Variants in SAFB2 observed in about 807,000 individuals in gnomAD.
The protein encoded by SAFB2 is scaffold attachment factor B2.
Under a neutral mutation model 100.6 loss-of-function variants are expected in SAFB2, and 32 were observed. The ratio of observed to expected loss-of-function variants is 0.32; its 90% CI spans 0.24 to 0.43. The LOEUF is 0.43. Among genes scored for constraint, SAFB2 ranks in the 20% least tolerant of loss-of-function variants. The pLI, the probability that SAFB2 is intolerant of heterozygous loss-of-function variation, is 1.00. For missense variants in SAFB2, 1,185 were observed against 1,163.4 expected (o/e 1.02, Z -0.27); for synonymous variants, 500 against 439.4 (o/e 1.14, Z -1.72).
At chr19:5,615,882 G>A (rs894152604) in intron 4 of SAFB2, among the ~76,000 whole-genome samples, 1 of 152,204 alleles carries the variant, frequency 6.6e-6, no homozygotes, top group Non-Finnish European at 1.5e-5. Flanking sequence ...TTTTATGTCA[G>A]AGCTTTCTAT....
intron 11 of SAFB2, among the ~76,000 whole-genome samples, chr19:5,603,461 G>A (rs147049958): frequency 2.0e-4 from 30 of 152,142 alleles, no homozygotes; most frequent in Non-Finnish European, 3.5e-4. Context: ...GATACAACAC[G>A]GAAATCTACC....
chr19:5,610,316 T>C, intron 8 of SAFB2: 2 of 595,012 alleles, frequency 3.4e-6, no homozygotes, highest in Non-Finnish European at 6.0e-6. Context: ...CCATGTCAGT[T>C]ATGAACTGAA....
Position 5,592,784 on chromosome 19 carries a change from G to A in SAFB2, c.2311C>T (p.Arg771Ter), listed in dbSNP as rs755107481. 6.2e-7 allele frequency: 1 copy of A among 1,614,208 alleles called. No homozygotes were observed. The highest frequency in any genetic ancestry group is 1.1e-5 in the South Asian group (1 of 91,078). Residue 771 changes from arginine (R) to a stop codon, truncating the protein, a stop_gained, in exon 16 of 21, where the codon CGA becomes TGA. Transcript: ENST00000252542. LOFTEE classifies it high-confidence loss of function. ...TGGTCCTGGTACTGGCCCCGGTCTCGATGATCGAAGTCGTGAAAGCGGTGG... is the reference window on the plus strand; with the variant it reads ...TGGTCCTGGTACTGGCCCCGGTCTCAATGATCGAAGTCGTGAAAGCGGTGG... ...PDHRFHDFDH[R>*]DRGQYQDHAI...
chr19:5,622,705 G>C lies in SAFB2; in HGVS notation c.11C>G (p.Thr4Ser), dbSNP rs374601886. ...GCCCGAGTCGCCCGACCCGGGCAGA[G>C]TCTCCGCCATCGTCGCGTTCCCGTC... Reference protein sequence around the residue: MAETLPGSGDSGPG... With the variant: MAESLPGSGDSGPG... Residue 4 changes from threonine (T) to serine (S), a missense_variant, in exon 1 of 21, where the codon ACT (threonine) becomes AGT (serine). Transcript: ENST00000252542. The C allele has an allele frequency of 4.9e-4, 780 of 1,602,926 alleles. 2 individuals are homozygous for C. Among genetic ancestry groups the C allele is most frequent in the Non-Finnish European group, 6.5e-4 (767 of 1,177,606 alleles).
At chr19:5,608,278 G>A (rs771222807) in intron 9 of SAFB2, among the ~76,000 whole-genome samples, 1 of 152,050 alleles carries the variant, frequency 6.6e-6, no homozygotes, top group South Asian at 2.1e-4. Context: ...ACACACTGAC[G>A]GCGTGCTCTA....
chr19:5,606,999 C>T (rs1169668526), intron 9 of SAFB2, among the ~76,000 whole-genome samples: 2 of 152,080 alleles, frequency 1.3e-5, no homozygotes, highest in East Asian at 1.9e-4. Flanking sequence ...TGGTGGCTCA[C>T]GCCTGTAATC....
chr19:5,606,993 G>A (rs2052788584), intron 9 of SAFB2, among the ~76,000 whole-genome samples: 1 of 152,180 alleles, frequency 6.6e-6, no homozygotes, highest in Non-Finnish European at 1.5e-5. Flanking sequence ...TGGGCGTGGT[G>A]GCTCACGCCT....
intron 16 of SAFB2, among the ~76,000 whole-genome samples, chr19:5,592,189 C>G (rs1204012766): frequency 6.6e-6 from 1 of 152,126 alleles, no homozygotes; most frequent in Non-Finnish European, 1.5e-5. Flanking sequence ...CCTGTTCTCC[C>G]CGCTCTGACA....
In SAFB2 at chr19:5,609,300, CTT is replaced by C. The variant is rs751534976; in HGVS notation, c.1296+693_1296+694del. Among the ~76,000 whole-genome samples the C allele has an allele frequency of 1.1e-3, 136 of 118,840 alleles. 1 individual carries two copies. Among genetic ancestry groups the C allele is most frequent in the African/African-American group, 2.9e-3 (92 of 32,200 alleles). 78.0% of individuals were successfully genotyped at this position (118,840 alleles called of 152,430 possible). A position where few individuals can be genotyped will look rare whatever the true frequency, so the allele number is the denominator to read the frequency against. ...ATGAAAGTCAATTATTCACTTCATT[CTT>C]TTTTTTTTTTTTTTTTTTTATGACA... On this transcript the variant is annotated intron_variant, in intron 9 of 20. Coordinates refer to ENST00000252542, the MANE Select transcript of SAFB2 (RefSeq NM_014649.3).
intron 11 of SAFB2, among the ~76,000 whole-genome samples, chr19:5,602,360 G>C (rs1010869486): frequency 2.0e-5 from 3 of 151,252 alleles, no homozygotes; most frequent in Non-Finnish European, 4.4e-5. Context: ...GGCGCCTATA[G>C]TCCCAGCTAC....
Position 5,622,405 on chromosome 19 carries a change from G to A in SAFB2, c.186+125C>T, listed in dbSNP as rs964686336. On this transcript the variant is annotated intron_variant, in intron 1 of 20. Coordinates refer to ENST00000252542, the MANE Select transcript of SAFB2 (RefSeq NM_014649.3). ...CGGCCCCCTGGGTGCCCGACACCTCGAACCGGGGTCGGCCAAGACGCGGGG... is the reference window on the plus strand; with the variant it reads ...CGGCCCCCTGGGTGCCCGACACCTCAAACCGGGGTCGGCCAAGACGCGGGG... 6.0e-6 allele frequency: 6 copies of A among 1,003,774 alleles called. No individual in the cohort carries two copies. The South Asian group carries it at 1.2e-4, about 20-fold the overall frequency. 62.2% of individuals were successfully genotyped at this position (1,003,774 alleles called of 1,614,324 possible). A position where few individuals can be genotyped will look rare whatever the true frequency, so the allele number is the denominator to read the frequency against.
chr19:5,601,222 C>A (rs1367372719), intron 11 of SAFB2, among the ~76,000 whole-genome samples: 1 of 152,168 alleles, frequency 6.6e-6, no homozygotes, highest in African/African-American at 2.4e-5. Context: ...CATCCCAGAA[C>A]TGACTATTGT....
chr19:5,622,468 C>T (rs1315100941), intron 1 of SAFB2, 62 bp downstream of exon 1: 2 of 1,436,074 alleles, frequency 1.4e-6, no homozygotes, highest in African/African-American at 3.0e-5. Flanking sequence ...GCCGCGGTGA[C>T]AGGTGCAGGC....
intron 11 of SAFB2, 26 bp downstream of exon 11, chr19:5,604,557 A>G: frequency 6.3e-7 from 1 of 1,576,662 alleles, no homozygotes; most frequent in Non-Finnish European, 8.7e-7. Context: ...AGGGATTCCA[A>G]GAGGAGGTTT....
intron 8 of SAFB2, 87 bp from the exon 9 acceptor site, chr19:5,610,182 C>T: frequency 1.9e-6 from 2 of 1,062,888 alleles, no homozygotes; most frequent in Middle Eastern, 2.1e-4. Flanking sequence ...TCTTTAAAAA[C>T]CCTAACGACG....
At chr19:5,616,697 G>GC (rs2053041227) in intron 2 of SAFB2, among the ~76,000 whole-genome samples, 1 of 126,710 alleles carries the variant, frequency 7.9e-6, no homozygotes, top group South Asian at 2.5e-4. Flanking sequence ...TGTCACCCAG[G>GC]CTGGAGTGCA....
rs998760021 is a variant in SAFB2 at position 5,610,388 on chromosome 19, T to C, written c.1195+251A>G. 18 of 587,002 alleles carry C rather than the reference T, an allele frequency of 3.1e-5. No homozygotes were observed. The African/African-American group carries it at 3.4e-4, about 11-fold the overall frequency. 36.4% of individuals were successfully genotyped at this position (587,002 alleles called of 1,614,324 possible). ...GTCTCTAAAATCCTTGAAACAGTCTTCAATGAGCAGAATTATTCCTTTCTT... is the reference window on the plus strand; with the variant it reads ...GTCTCTAAAATCCTTGAAACAGTCTCCAATGAGCAGAATTATTCCTTTCTT... On this transcript the variant is annotated intron_variant, in intron 8 of 20. Transcript: ENST00000252542.
At chr19:5,615,413 G>C (rs1417990238) in intron 4 of SAFB2, among the ~76,000 whole-genome samples, 1 of 151,162 alleles carries the variant, frequency 6.6e-6, no homozygotes, top group Non-Finnish European at 1.5e-5. Flanking sequence ...GATGAGATTA[G>C]AAACCATTTT....
intron 1 of SAFB2, 23 bp from the exon 2 acceptor site, chr19:5,621,419 AC>A: frequency 6.9e-7 from 1 of 1,450,078 alleles, no homozygotes; most frequent in African/African-American, 1.4e-5. Context: ...GATGAGTTTT[AC>A]AACATCATTA....
Sources: allele counts gnomAD v4.1 joint callset (sites outside exome capture counted in the v4.1 genomes callset), GRCh38; gene constraint gnomAD v4.1.1; transcripts MANE v1.5; gene names NCBI Gene and HGNC (gene_info 2026-07-23, HGNC 2026-07-21).